The following MRE11 variants were observed in gnomAD, a reference collection of about 807,000 sequenced individuals.
MRE11 encodes MRE11 double strand break repair nuclease.
In MRE11, 62 loss-of-function variants were observed where a neutral mutation model predicts 91.7. The ratio of observed to expected loss-of-function variants is 0.68; its 90% CI spans 0.55 to 0.84. The LOEUF is 0.84. Among genes scored for constraint, MRE11 ranks in the 40% least tolerant of loss-of-function variants. The pLI, the probability that MRE11 is intolerant of heterozygous loss-of-function variation, is 0.00. For synonymous variants in MRE11, 273 were observed against 271.4 expected (o/e 1.01, Z -0.06); for missense variants, 796 against 852.9 (o/e 0.93, Z 0.83).
At chr11:94,438,782 T>C (rs570758748) in intron 16 of MRE11, among the ~76,000 whole-genome samples, 1 of 152,342 alleles carries the variant, frequency 6.6e-6, no homozygotes, top group South Asian at 2.1e-4. Flanking sequence ...CCAAGCTCCT[T>C]GGCTTCTTTA....
chr11:94,492,123 G>C (rs571160915), intron 2 of MRE11, among the ~76,000 whole-genome samples: 1 of 152,130 alleles, frequency 6.6e-6, no homozygotes, highest in Admixed American at 6.5e-5. Flanking sequence ...CAAGTCTAAA[G>C]TCTTTCCCAC....
chr11:94,437,213 C>A lies in MRE11; in HGVS notation c.1890G>T (p.Gln630His). ...IIDAFKSTRQ[Q>H]PSRNVTTKNY... is the part of the protein sequence containing the mutation. ...TCTTAGTAGTGACATTTCGGGAAGG[C>A]TGCTGTCTTGTAGATTTAAAGGCTA... Residue 630 changes from glutamine (Q) to histidine (H), a missense_variant, in exon 17 of 20, where the codon CAG becomes CAT. Physicochemically the swap from Gln to His is conservative, Grantham distance 24. Coordinates refer to ENST00000323929, the MANE Select transcript of MRE11 (RefSeq NM_005591.4). 6.2e-7 allele frequency: 1 copy of A among 1,612,998 alleles called. No homozygotes were observed.
intron 9 of MRE11, 117 bp downstream of exon 9, chr11:94,470,354 G>A: frequency 9.6e-7 from 1 of 1,046,072 alleles, no homozygotes; most frequent in Non-Finnish European, 1.4e-6. Context: ...GTCCTTACAG[G>A]CTTCATGAGA....
At chr11:94,440,970 A>G (rs1480121128) in intron 16 of MRE11, among the ~76,000 whole-genome samples, 2 of 152,220 alleles carry the variant, frequency 1.3e-5, no homozygotes, top group Non-Finnish European at 2.9e-5. Flanking sequence ...AAGTCCTGCT[A>G]TGAAACTCTC....
chr11:94,475,619 C>T (rs781638762), intron 7 of MRE11: 54 of 455,602 alleles, frequency 1.2e-4, no homozygotes, highest in African/African-American at 9.8e-4. Context: ...AATCCTATAC[C>T]CTGCCAACAG....
At chr11:94,461,589 C>T (rs1352534589) in intron 11 of MRE11, among the ~76,000 whole-genome samples, 1 of 152,196 alleles carries the variant, frequency 6.6e-6, no homozygotes, top group Non-Finnish European at 1.5e-5. Context: ...CTCATCACTC[C>T]TATTCAACAC....
At chr11:94,451,704 C>T (rs1457272593) in intron 14 of MRE11, among the ~76,000 whole-genome samples, 1 of 151,970 alleles carries the variant, frequency 6.6e-6, no homozygotes, top group Admixed American at 6.6e-5. Flanking sequence ...AAAGAAAAAA[C>T]CCAAATGTAT....
rs532687924 is a variant in MRE11 at position 94,429,304 on chromosome 11, C to T, written c.2070+607G>A. 2.6e-5 allele frequency among the ~76,000 whole-genome samples: 4 copies of T among 152,230 alleles called. No individual in the cohort carries two copies. In the South Asian group the frequency reaches 6.2e-4, roughly 24 times the overall value. On this transcript the variant is annotated intron_variant, in intron 19 of 19. Transcript: ENST00000323929. The stretch of plus-strand genomic sequence containing the variant: ...TCTCAAAGAACTTAAAACAGAGCTA[C>T]GATTTGACCCAGCAATCCCATTACT...
At chr11:94,450,883 C>T (rs1946081756) in intron 14 of MRE11, among the ~76,000 whole-genome samples, 1 of 152,132 alleles carries the variant, frequency 6.6e-6, no homozygotes, top group African/African-American at 2.4e-5. Flanking sequence ...AATATAAGCA[C>T]TGGTCCTTTG....
intron 15 of MRE11, 93 bp from the exon 16 acceptor site, chr11:94,445,986 G>A: frequency 1.1e-6 from 1 of 941,620 alleles, no homozygotes; most frequent in Non-Finnish European, 1.7e-6. Context: ...ATAAACTTAT[G>A]TCAAATAGTT....
rs587781873 is a variant in MRE11 at position 94,471,764 on chromosome 11, A to C, written c.660-5T>G. 2.5e-6 allele frequency: 4 copies of C among 1,607,578 alleles called. No individual in the cohort carries two copies. The highest frequency in any genetic ancestry group is 3.4e-6 in the Non-Finnish European group (4 of 1,175,686). On this transcript the variant is annotated splice_region_variant and splice_polypyrimidine_tract_variant and intron_variant, in intron 7 of 19. Coordinates refer to ENST00000323929, the MANE Select transcript of MRE11 (RefSeq NM_005591.4). ...TTAGTACTTCCATGTTTACTCCTGTATCAAGATTTTGAAAAATATAAATTC... is the reference window on the plus strand; with the variant it reads ...TTAGTACTTCCATGTTTACTCCTGTCTCAAGATTTTGAAAAATATAAATTC...
Position 94,458,320 on chromosome 11 carries a change from C to T in MRE11, c.1500+1088G>A, listed in dbSNP as rs13447670. Among the ~76,000 whole-genome samples, 289 of 151,604 alleles carry T rather than the reference C, an allele frequency of 1.9e-3. 5 individuals carry two copies. The East Asian group carries it at 0.043, about 23-fold the overall frequency. On this transcript the variant is annotated intron_variant, in intron 13 of 19. Transcript: ENST00000323929. Reference sequence around the variant, plus strand: ...ATATCTGGGATATTTTCTTTATTTACATAAACATACACAATTACATATAAA... The same window carrying T: ...ATATCTGGGATATTTTCTTTATTTATATAAACATACACAATTACATATAAA...
intron 4 of MRE11, among the ~76,000 whole-genome samples, chr11:94,484,208 GA>G (rs377475192): frequency 1.2e-4 from 18 of 149,162 alleles, no homozygotes; most frequent in South Asian, 4.2e-4. Flanking sequence ...TAACCCAAAG[GA>G]AAAAAAAATG....
chr11:94,465,676 G>A (rs950553486), intron 10 of MRE11, among the ~76,000 whole-genome samples: 24 of 152,062 alleles, frequency 1.6e-4, no homozygotes, highest in Admixed American at 1.2e-3. Flanking sequence ...GATTACAGGC[G>A]TGAGCCACCA....
At chr11:94,498,426 A>C, upstream of MRE11, 2 of 1,613,728 alleles carry the variant, frequency 1.2e-6, no homozygotes, top group Non-Finnish European at 1.7e-6. Context: ...CCAGGGCTGA[A>C]AAACAACTTG....
intron 13 of MRE11, among the ~76,000 whole-genome samples, 188 bp from the exon 14 acceptor site, chr11:94,456,526 A>C (rs1195342622): frequency 3.3e-5 from 5 of 149,910 alleles, no homozygotes; most frequent in Non-Finnish European, 4.4e-5. Context: ...AAAAAAAAAA[A>C]CTCATATTGA....
chr11:94,501,146 T>A, the MRE11 span, among the ~76,000 whole-genome samples: 2 of 152,242 alleles, frequency 1.3e-5, no homozygotes, highest in African/African-American at 4.8e-5. Flanking sequence ...CTATCTTTAT[T>A]AAGTTCAGAA....
At chr11:94,427,067 C>T (rs1323974965) in intron 19 of MRE11, among the ~76,000 whole-genome samples, 1 of 152,156 alleles carries the variant, frequency 6.6e-6, no homozygotes, top group Non-Finnish European at 1.5e-5. Context: ...CAGCCTGATA[C>T]CAAAATCTGG....
Position 94,467,702 on chromosome 11 carries a change from C to T in MRE11, c.1098+111G>A, listed in dbSNP as rs1410632845. 3.2e-6 allele frequency: 3 copies of T among 923,522 alleles called. No individual in the cohort carries two copies. The East Asian group carries it at 7.8e-5, about 24-fold the overall frequency. The allele number at this position is 923,522 out of a possible 1,614,324, so 57.2% of individuals were successfully genotyped here. A position where few individuals can be genotyped will look rare whatever the true frequency, so the allele number is the denominator to read the frequency against. ...GTTTTTGCCTCCGATGGTGATTGCT[C>T]TTCTTATTACTATGAGCACTCTCCT... On this transcript the variant is annotated intron_variant, in intron 10 of 19. Coordinates refer to ENST00000323929, the MANE Select transcript of MRE11 (RefSeq NM_005591.4).
Sources: gnomAD v4.1 joint callset for allele counts (sites outside exome capture counted in the v4.1 genomes callset) on GRCh38, gnomAD v4.1.1 for gene constraint, MANE v1.5 for transcripts, NCBI Gene and HGNC (gene_info 2026-07-23, HGNC 2026-07-21) for gene names.